Variants in NFIA observed in about 807,000 individuals in gnomAD.
The protein encoded by NFIA is nuclear factor 1 A-type.
NFIA carries 8 observed loss-of-function variants against 62.8 expected under a neutral mutation model. The observed-to-expected ratio is 0.13, with a 90% CI of 0.07 to 0.23. The LOEUF (loss-of-function observed/expected upper bound fraction) is 0.23. Ranked by LOEUF, NFIA falls within the 10% of genes least tolerant of loss-of-function variation. The pLI, the probability that NFIA is intolerant of heterozygous loss-of-function variation, is 1.00. For synonymous variants in NFIA, 235 were observed against 238.1 expected (o/e 0.99, Z 0.12); for missense variants, 410 against 642.1 (o/e 0.64, Z 3.91).
intron 2 of NFIA, among the ~76,000 whole-genome samples, chr1:61,170,546 AT>A (rs1649889627): frequency 6.6e-6 from 1 of 152,046 alleles, no homozygotes; most frequent in African/African-American, 2.4e-5. Context: ...CCTGTGTAGG[AT>A]TTCTGGATGC....
At chr1:61,289,858 G>C (rs1658754214) in intron 3 of NFIA, among the ~76,000 whole-genome samples, 1 of 152,062 alleles carries the variant, frequency 6.6e-6, no homozygotes. Flanking sequence ...TTTCTGTGTG[G>C]ATTATATGTC....
At chr1:61,226,411 C>G (rs1428383342) in intron 2 of NFIA, among the ~76,000 whole-genome samples, 4 of 152,210 alleles carry the variant, frequency 2.6e-5, no homozygotes, top group Non-Finnish European at 5.9e-5. Flanking sequence ...TTATCCTACT[C>G]TACTTACTTT....
intron 10 of NFIA, among the ~76,000 whole-genome samples, chr1:61,451,190 AC>A (rs1668043554): frequency 6.6e-6 from 1 of 152,196 alleles, no homozygotes; most frequent in African/African-American, 2.4e-5. Flanking sequence ...AAACCTGACT[AC>A]TGTGAGTATT....
At chr1:61,195,504 A>G (rs1276709373) in intron 2 of NFIA, among the ~76,000 whole-genome samples, 1 of 152,136 alleles carries the variant, frequency 6.6e-6, no homozygotes, top group African/African-American at 2.4e-5. Context: ...CTCTGTCTGT[A>G]TATTATCATT....
At position 61,406,543 on chromosome 1, in the gene NFIA, G is replaced by GGGGGCC; in HGVS notation, c.1255-19_1255-18insGGGGCC. On this transcript the variant is annotated intron_variant, in intron 8 of 10. Coordinates refer to ENST00000403491, the MANE Select transcript of NFIA (RefSeq NM_001134673.4). ...TCTTTTTCTTGTACGTGTGTTTTCT[G>GGGGGCC]CCCCCCCCCCCCCCACAGCCCAATG... The GGGGGCC allele has an allele frequency of 2.3e-6, 2 of 876,652 alleles. No individual in the cohort carries two copies. The highest frequency in any genetic ancestry group is 3.1e-6 in the Non-Finnish European group (2 of 653,742). The allele number at this position is 876,652 out of a possible 1,614,324, so 54.3% of individuals were successfully genotyped here.
chr1:61,314,514 T>C (rs1660270720), intron 3 of NFIA, among the ~76,000 whole-genome samples: 1 of 152,238 alleles, frequency 6.6e-6, no homozygotes, highest in Non-Finnish European at 1.5e-5. Flanking sequence ...CTAATAATGA[T>C]AATGCACTAA....
At chr1:61,087,303 A>G (rs1646234995) in intron 1 of NFIA, among the ~76,000 whole-genome samples, 1 of 152,132 alleles carries the variant, frequency 6.6e-6, no homozygotes, top group Non-Finnish European at 1.5e-5. Flanking sequence ...TCTATTTTTT[A>G]GGTATGATTA....
intron 2 of NFIA, among the ~76,000 whole-genome samples, chr1:61,229,441 A>G (rs1461089638): frequency 2.0e-5 from 3 of 152,112 alleles, no homozygotes; most frequent in Non-Finnish European, 4.4e-5. Flanking sequence ...CCAAAACATC[A>G]TTGTTGCTCT....
In NFIA at chr1:61,455,747, G is replaced by A. The variant is rs1325733902; in HGVS notation, c.*427G>A. The A allele has an allele frequency of 9.8e-6, 2 of 203,808 alleles. No homozygotes were observed. The highest frequency in any genetic ancestry group is 2.3e-5 in the African/African-American group (1 of 43,404). The allele number at this position is 203,808 out of a possible 1,614,324, so 12.6% of individuals were successfully genotyped here. On this transcript the variant is annotated 3_prime_UTR_variant, in exon 11 of 11. Coordinates refer to ENST00000403491, the MANE Select transcript of NFIA (RefSeq NM_001134673.4). ...CCCACACAGGTGTGATCCTCCTTGA[G>A]CATTGAGGAGGCACATGGAGAACTA...
At chr1:61,435,974 G>A (rs1456082573) in intron 10 of NFIA, among the ~76,000 whole-genome samples, 2 of 152,120 alleles carry the variant, frequency 1.3e-5, no homozygotes, top group African/African-American at 2.4e-5. Context: ...GATGCTATGT[G>A]CGTGACTGTG....
chr1:61,209,122 T>G (rs1479745056), intron 2 of NFIA, among the ~76,000 whole-genome samples: 4 of 149,264 alleles, frequency 2.7e-5, no homozygotes, highest in Non-Finnish European at 4.5e-5. Context: ...AAGAGTTTTG[T>G]TTTTTTTTTC....
At chr1:61,077,335 G>A (rs546248194), upstream of NFIA, 4 of 338,196 alleles carry the variant, frequency 1.2e-5, no homozygotes, top group East Asian at 1.8e-4. Flanking sequence ...AGCCCGGGTT[G>A]GATCGCTTTC....
At chr1:61,168,874 C>T (rs1296564948) in intron 2 of NFIA, among the ~76,000 whole-genome samples, 1 of 151,992 alleles carries the variant, frequency 6.6e-6, no homozygotes, top group Non-Finnish European at 1.5e-5. Context: ...TCCTTTTTTG[C>T]AGCAAGACTT....
At chr1:61,206,605 C>G (rs910900952) in intron 2 of NFIA, among the ~76,000 whole-genome samples, 1 of 152,200 alleles carries the variant, frequency 6.6e-6, no homozygotes, top group Admixed American at 6.5e-5. Context: ...ACCTCAGACA[C>G]ATATTGCCTT....
intron 9 of NFIA, among the ~76,000 whole-genome samples, chr1:61,422,262 C>T (rs909576811): frequency 1.3e-5 from 2 of 152,026 alleles, no homozygotes; most frequent in African/African-American, 4.8e-5. Flanking sequence ...GACTCCATCT[C>T]AAAAAAATAA....
intron 2 of NFIA, among the ~76,000 whole-genome samples, chr1:61,228,002 C>G (rs1050766175): frequency 1.3e-5 from 2 of 152,198 alleles, no homozygotes; most frequent in African/African-American, 2.4e-5. Context: ...TTTCCCTCTT[C>G]CCGGCTCAAT....
intron 2 of NFIA, among the ~76,000 whole-genome samples, chr1:61,172,385 G>C (rs1402690785): frequency 6.6e-6 from 1 of 152,162 alleles, no homozygotes; most frequent in Non-Finnish European, 1.5e-5. Flanking sequence ...ATTTAAAGCA[G>C]GCTGTATTTA....
At chr1:61,180,727 T>TCTA (rs1237844630) in intron 2 of NFIA, among the ~76,000 whole-genome samples, 2 of 152,178 alleles carry the variant, frequency 1.3e-5, no homozygotes, top group African/African-American at 2.4e-5. Flanking sequence ...TCAGCTTCTA[T>TCTA]CTAGGTGGAT....
chr1:61,217,103 C>CTAGA (rs2100611607), intron 2 of NFIA, among the ~76,000 whole-genome samples: 1 of 148,404 alleles, frequency 6.7e-6, no homozygotes, highest in East Asian at 2.0e-4. Flanking sequence ...GTCACCCAGG[C>CTAGA]TAGAGTGCAG....
Sources: allele counts gnomAD v4.1 joint callset (sites outside exome capture counted in the v4.1 genomes callset), GRCh38; gene constraint gnomAD v4.1.1; transcripts MANE v1.5; gene names NCBI Gene and HGNC (gene_info 2026-07-23, HGNC 2026-07-21).